The following MAP2 variants were observed in gnomAD, a reference collection of about 807,000 sequenced individuals.
The protein encoded by MAP2 is microtubule-associated protein 2.
A neutral mutation model predicts 137.6 loss-of-function variants in MAP2; 14 were observed. The ratio of observed to expected loss-of-function variants is 0.10; its 90% CI spans 0.07 to 0.16. MAP2 has a LOEUF of 0.16. Among genes scored for constraint, MAP2 ranks in the 10% least tolerant of loss-of-function variants. The probability of loss-of-function intolerance (pLI) is 1.00; values close to 1 mark genes in which losing one functional copy is unlikely to be tolerated. For synonymous variants in MAP2, 786 were observed against 782.3 expected, an observed-to-expected ratio of 1.00 and a Z score of -0.08; for missense variants, 2,088 against 2,191.5, an observed-to-expected ratio of 0.95 and a Z score of 0.94.
chr2:209,695,660 G>A lies in MAP2; in HGVS notation c.3490G>A (p.Glu1164Lys). The part of the protein sequence containing the change: ...TSPESSLIQD[E>K]IAVKLSVEIP... ...TCCAGAATCATCTCTAATTCAAGAT[G>A]AGATTGCCGTCAAATTGTCAGTGGA... The change falls in exon 8 of 16, where the codon GAG becomes AAG. Residue 1164 changes from glutamate to lysine, a missense_variant. Physicochemically the swap from Glu to Lys is moderately conservative, Grantham distance 56 (BLOSUM62 1). Transcript: ENST00000682079. 1 of 1,614,082 alleles carries A rather than the reference G, an allele frequency of 6.2e-7. No homozygotes were observed. Among genetic ancestry groups the A allele is most frequent in the Non-Finnish European group, 8.5e-7 (1 of 1,179,992 alleles).
intron 3 of MAP2, among the ~76,000 whole-genome samples, chr2:209,622,440 C>T (rs2091421728): frequency 6.6e-6 from 1 of 152,140 alleles, no homozygotes; most frequent in African/African-American, 2.4e-5. Context: ...CTTAAACTCT[C>T]TTGGCCTGTT....
chr2:209,438,103 G>A (rs1345381942), intron 1 of MAP2, among the ~76,000 whole-genome samples: 11 of 151,594 alleles, frequency 7.3e-5, no homozygotes, highest in Admixed American at 5.3e-4. Context: ...TCGAATATTA[G>A]CAAGAGGTTA....
intron 4 of MAP2, among the ~76,000 whole-genome samples, chr2:209,648,707 T>C (rs2094573450): frequency 6.7e-6 from 1 of 148,704 alleles, no homozygotes; most frequent in Non-Finnish European, 1.5e-5. Context: ...GAGAATCACT[T>C]GACCTTGGGA....
intron 4 of MAP2, among the ~76,000 whole-genome samples, chr2:209,643,079 A>G (rs2094152539): frequency 6.6e-6 from 1 of 152,338 alleles, no homozygotes; most frequent in East Asian, 1.9e-4. Flanking sequence ...TATAAAACCA[A>G]TGTTTTTGAT....
At chr2:209,576,142 TC>T (rs1485654803) in intron 2 of MAP2, among the ~76,000 whole-genome samples, 1 of 152,160 alleles carries the variant, frequency 6.6e-6, no homozygotes, top group African/African-American at 2.4e-5. Context: ...TTCTTAAAGA[TC>T]AGGCATCTAC....
At chr2:209,523,187 A>G (rs1259944399) in intron 2 of MAP2, among the ~76,000 whole-genome samples, 1 of 152,058 alleles carries the variant, frequency 6.6e-6, no homozygotes, top group Admixed American at 6.6e-5. Context: ...AGATGCCCTC[A>G]CTGTGCACTC....
At chr2:209,676,783 C>G (rs564579560) in intron 5 of MAP2, among the ~76,000 whole-genome samples, 25 of 126,206 alleles carry the variant, frequency 2.0e-4, no homozygotes, top group Non-Finnish European at 2.6e-4. Context: ...CTCCCAATTT[C>G]TGCCATGATT....
At chr2:209,677,403 TAGACAGACAGACAGACAGAC>T (rs71395564) in intron 5 of MAP2, among the ~76,000 whole-genome samples, 1 of 146,340 alleles carries the variant, frequency 6.8e-6, no homozygotes, top group African/African-American at 2.6e-5. Context: ...GATAGATAGA[TAGACAGACAGACAGACAGAC>T]AGACAGACAG....
intron 2 of MAP2, among the ~76,000 whole-genome samples, chr2:209,548,277 G>A (rs1222457703): frequency 6.6e-6 from 1 of 152,132 alleles, no homozygotes; most frequent in African/African-American, 2.4e-5. Flanking sequence ...TAAGGAAAAT[G>A]GGGAGTTCCA....
intron 3 of MAP2, among the ~76,000 whole-genome samples, chr2:209,591,036 T>C (rs991097071): frequency 6.6e-6 from 1 of 152,202 alleles, no homozygotes. Flanking sequence ...GGTTTCTTTG[T>C]TTTTTGTTTG....
At chr2:209,541,845 A>G (rs2067102763) in intron 2 of MAP2, among the ~76,000 whole-genome samples, 1 of 152,204 alleles carries the variant, frequency 6.6e-6, no homozygotes, top group South Asian at 2.1e-4. Context: ...TCTTCACTGA[A>G]GTCTTGAACC....
intron 2 of MAP2, among the ~76,000 whole-genome samples, chr2:209,574,732 C>A (rs2075025923): frequency 6.6e-6 from 1 of 151,922 alleles, no homozygotes; most frequent in African/African-American, 2.4e-5. Flanking sequence ...TCTTTTTTGA[C>A]CAAAATATAT....
chr2:209,636,562 A>G (rs893021547), intron 4 of MAP2, among the ~76,000 whole-genome samples: 4 of 125,046 alleles, frequency 3.2e-5, no homozygotes, highest in African/African-American at 1.5e-4. Flanking sequence ...ATACGTATAT[A>G]TTATATATAT....
chr2:209,505,275 C>A (rs1377223697), intron 1 of MAP2, among the ~76,000 whole-genome samples: 1 of 152,060 alleles, frequency 6.6e-6, no homozygotes, highest in Admixed American at 6.6e-5. Flanking sequence ...TGTTTAAGTC[C>A]TAACAACTTA....
chr2:209,451,782 T>G (rs1700380306), intron 1 of MAP2, among the ~76,000 whole-genome samples: 1 of 152,166 alleles, frequency 6.6e-6, no homozygotes. Flanking sequence ...GCAACATTGT[T>G]TTTTCTTTTG....
At chr2:209,514,117 T>G (rs190435105) in intron 2 of MAP2, among the ~76,000 whole-genome samples, 1 of 152,262 alleles carries the variant, frequency 6.6e-6, no homozygotes, top group Admixed American at 6.6e-5. Flanking sequence ...TATAAATCTT[T>G]CCAGAATCTC....
chr2:209,670,157 G>A (rs559518051), intron 5 of MAP2, among the ~76,000 whole-genome samples: 1 of 151,878 alleles, frequency 6.6e-6, no homozygotes. Context: ...TTTCAGGGGA[G>A]CAAACCTCTC....
chr2:209,566,893 T>A (rs1012931544), intron 2 of MAP2, among the ~76,000 whole-genome samples: 5 of 152,138 alleles, frequency 3.3e-5, no homozygotes, highest in African/African-American at 1.2e-4. Flanking sequence ...TACATTTTGT[T>A]AAACAGCTCC....
At chr2:209,644,670 CAA>C (rs68166330) in intron 4 of MAP2, among the ~76,000 whole-genome samples, 9,387 of 68,326 alleles carry the variant, frequency 0.14, 346 homozygotes, top group South Asian at 0.36. Context: ...GACCCTGTCT[CAA>C]AAAAAAAAAA....
Sources: gnomAD v4.1 joint callset for allele counts (sites outside exome capture counted in the v4.1 genomes callset) on GRCh38, gnomAD v4.1.1 for gene constraint, MANE v1.5 for transcripts, NCBI Gene and HGNC (gene_info 2026-07-23, HGNC 2026-07-21) for gene names.